Variants in HERC2 observed in about 807,000 individuals in gnomAD.
HERC2 encodes the protein E3 ubiquitin-protein ligase HERC2.
In HERC2, 102 loss-of-function variants were observed where a neutral mutation model predicts 537.7. The observed-to-expected ratio is 0.19, with a 90% confidence interval of 0.16 to 0.22. The LOEUF (loss-of-function observed/expected upper bound fraction) is 0.22. HERC2 is among the 10% of genes least tolerant of loss of function. The pLI, the probability that HERC2 is intolerant of heterozygous loss-of-function variation, is 1.00. For synonymous variants in HERC2, 2,224 were observed against 2,466.2 expected (o/e 0.90, Z 2.91); for missense variants, 4,236 against 6,198.2 (o/e 0.68, Z 10.63).
chr15:28,247,630 A>G (rs1000821544), intron 21 of HERC2, among the ~76,000 whole-genome samples: 1 of 151,892 alleles, frequency 6.6e-6, no homozygotes, highest in Admixed American at 6.6e-5. Context: ...GGGTTTCACT[A>G]TGTTGGTCAG....
At chr15:28,240,108 G>A (rs1281070120) in intron 23 of HERC2, among the ~76,000 whole-genome samples, 2 of 152,008 alleles carry the variant, frequency 1.3e-5, no homozygotes, top group African/African-American at 4.8e-5. Context: ...ATGTTTTAAA[G>A]ACAGAATTAT....
In HERC2 at chr15:28,202,257, A is replaced by T. The variant is rs773584228; in HGVS notation, c.7481-8T>A. ...CGACCAAGGCTTCCACACCTAAGAG[A>T]GGCACACACAGCACAGCAGCCACTG... On this transcript the variant is annotated splice_region_variant and splice_polypyrimidine_tract_variant and intron_variant, in intron 46 of 92. Transcript: ENST00000261609. 9 of 1,611,732 alleles carry T rather than the reference A, an allele frequency of 5.6e-6. No individual in the cohort carries two copies. In the East Asian group the frequency reaches 1.1e-4, roughly 20 times the overall value.
chr15:28,187,338 T>G (rs1896409115), intron 55 of HERC2, among the ~76,000 whole-genome samples: 2 of 152,102 alleles, frequency 1.3e-5, no homozygotes, highest in East Asian at 1.9e-4. Flanking sequence ...TTTTTTGTTT[T>G]TTTGTTTTTT....
chr15:28,173,791 CAA>C (rs756958450), intron 65 of HERC2, among the ~76,000 whole-genome samples: 7 of 70,892 alleles, frequency 9.9e-5, no homozygotes, highest in Non-Finnish European at 1.4e-4. Flanking sequence ...ACCCTGTCTA[CAA>C]AAAAAAAAAA....
intron 68 of HERC2, among the ~76,000 whole-genome samples, chr15:28,167,208 G>A (rs980896352): frequency 6.6e-6 from 1 of 152,176 alleles, no homozygotes; most frequent in African/African-American, 2.4e-5. Flanking sequence ...ACTTGGCAGA[G>A]ACCCTTAACC....
intron 5 of HERC2, 113 bp from the exon 6 acceptor site, chr15:28,275,118 CAAGTGACAGGATCACAAGTGGAT>C: frequency 2.9e-5 from 16 of 553,640 alleles, no homozygotes; most frequent in Non-Finnish European, 5.1e-5. Context: ...TGGTTTTCTT[CAAGTGACAGGATCACAAGTGGAT>C]TTTTCGTTTT....
intron 17 of HERC2, among the ~76,000 whole-genome samples, chr15:28,256,853 CA>C (rs1276545741): frequency 2.0e-5 from 3 of 152,186 alleles, no homozygotes; most frequent in Non-Finnish European, 4.4e-5. Flanking sequence ...CCAGGCCTCC[CA>C]AAAGTGCTGG....
intron 59 of HERC2, among the ~76,000 whole-genome samples, 164 bp downstream of exon 59, chr15:28,178,723 C>T (rs1895533737): frequency 6.6e-6 from 1 of 152,186 alleles, no homozygotes; most frequent in Non-Finnish European, 1.5e-5. Context: ...GATTTAGCAG[C>T]AATAACTAAA....
At chr15:28,147,331 T>G (rs1364514588) in intron 70 of HERC2, among the ~76,000 whole-genome samples, 1 of 152,254 alleles carries the variant, frequency 6.6e-6, no homozygotes, top group Non-Finnish European at 1.5e-5. Context: ...GCTTCAAGTT[T>G]AAAAATGCTT....
At chr15:28,186,441 A>G in intron 56 of HERC2, 136 bp downstream of exon 56, 1 of 608,464 alleles carries the variant, frequency 1.6e-6, no homozygotes, top group Non-Finnish European at 2.7e-6. Context: ...TTTGGAAACA[A>G]CTGTAATTTA....
rs1347297532 is a variant in HERC2, at chr15:28,174,426, A to G, written c.10026T>C (p.Thr3342=). 20 of 1,612,010 alleles carry G rather than the reference A, an allele frequency of 1.2e-5. No homozygotes were observed. Among genetic ancestry groups the G allele is most frequent in the Non-Finnish European group, 1.7e-5 (20 of 1,179,088 alleles). The change falls in exon 65 of 93, where the codon ACT becomes ACC. Residue 3342 remains threonine (T), a synonymous_variant. Coordinates refer to ENST00000261609, the MANE Select transcript of HERC2 (RefSeq NM_004667.6). Reference sequence around the variant, plus strand: ...AGGAAGCACCTAAAGGGTCTCTTGCAGTCTGGAAGAGGACGGGCTCGTGGA... The same window carrying G: ...AGGAAGCACCTAAAGGGTCTCTTGCGGTCTGGAAGAGGACGGGCTCGTGGA... ...PSVHEPVLFQ[T]ARDPLGASYL... is the part of the protein sequence containing the mutation.
intron 45 of HERC2, among the ~76,000 whole-genome samples, chr15:28,204,827 A>G (rs1412359361): frequency 1.3e-5 from 2 of 152,238 alleles, no homozygotes; most frequent in Non-Finnish European, 2.9e-5. Context: ...CCAAGCTACT[A>G]ACAAGGAGAA....
At chr15:28,283,484 C>A (rs2076078326) in intron 4 of HERC2, among the ~76,000 whole-genome samples, 1 of 152,088 alleles carries the variant, frequency 6.6e-6, no homozygotes, top group Non-Finnish European at 1.5e-5. Context: ...AAAAGGAAAG[C>A]AAAACATTCT....
chr15:28,144,619 G>A lies in HERC2; in HGVS notation c.11140+54C>T, dbSNP rs531589788. The A allele has an allele frequency of 1.3e-5, 21 of 1,612,694 alleles. No individual in the cohort carries two copies. The African/African-American group carries it at 1.9e-4, about 14-fold the overall frequency. ...ATGTGCACGTGTCCCTGTTGCTCCA[G>A]AAACAATCCACAGCCAGTCATCTAA... On this transcript the variant is annotated intron_variant, in intron 72 of 92. Coordinates refer to ENST00000261609, the MANE Select transcript of HERC2 (RefSeq NM_004667.6).
chr15:28,186,059 A>T (rs1229193689), intron 56 of HERC2, among the ~76,000 whole-genome samples: 1 of 152,216 alleles, frequency 6.6e-6, no homozygotes, highest in Non-Finnish European at 1.5e-5. Context: ...ACTGAAGACT[A>T]ATCATATGGA....
intron 12 of HERC2, among the ~76,000 whole-genome samples, chr15:28,267,471 G>A (rs1272541960): frequency 6.6e-6 from 1 of 152,146 alleles, no homozygotes; most frequent in Admixed American, 6.5e-5. Context: ...CCTGTACCTC[G>A]ATGCCTTTCA....
chr15:28,135,789 AC>A, intron 78 of HERC2, 97 bp from the exon 79 acceptor site: 1 of 852,432 alleles, frequency 1.2e-6, no homozygotes, highest in Non-Finnish European at 1.8e-6. Flanking sequence ...AGACATTTTT[AC>A]CACATAGAAA....
At position 28,238,607 on chromosome 15, in the gene HERC2, A is replaced by G; in HGVS notation, c.3743T>C (p.Ile1248Thr). 6.2e-7 allele frequency: 1 copy of G among 1,609,412 alleles called. No homozygotes were observed. The highest frequency in any genetic ancestry group is 8.5e-7 in the Non-Finnish European group (1 of 1,177,642). The change falls in exon 24 of 93, where the codon ATT becomes ACT. Residue 1248 changes from isoleucine to threonine, a missense_variant. By Grantham distance (89) the Ile-to-Thr change is moderately conservative. Transcript: ENST00000261609. ...AATAACAAGTGTAATCTTACCAAGA[A>G]TACTATTTCCTGTTAACGACTGTGT... ...FQTQSLTGNS[I>T]LAQFAGEDPV...
intron 85 of HERC2, 63 bp from the exon 86 acceptor site, chr15:28,121,492 T>A: frequency 7.7e-7 from 1 of 1,297,528 alleles, no homozygotes; most frequent in Non-Finnish European, 1.1e-6. Context: ...CCTGAAGAAA[T>A]CATCACATAG....
Sources: gnomAD v4.1 joint callset for allele counts (sites outside exome capture counted in the v4.1 genomes callset) on GRCh38, gnomAD v4.1.1 for gene constraint, MANE v1.5 for transcripts, NCBI Gene and HGNC (gene_info 2026-07-23, HGNC 2026-07-21) for gene names.